The following CNTNAP2 variants were observed in gnomAD, a reference collection of about 807,000 sequenced individuals.
CNTNAP2 encodes contactin associated protein 2, also known as contactin-associated protein-like 2.
In CNTNAP2, 98 loss-of-function variants were observed where a neutral mutation model predicts 155.2. That is an observed-to-expected ratio of 0.63 (90% CI 0.54 to 0.75). The LOEUF (loss-of-function observed/expected upper bound fraction) is 0.75, where lower values mean the gene tolerates loss of function less well. CNTNAP2 is among the 30% of genes least tolerant of loss of function. The pLI, the probability that CNTNAP2 is intolerant of heterozygous loss-of-function variation, is 0.00. For synonymous variants in CNTNAP2, 651 were observed against 631.2 expected, an observed-to-expected ratio of 1.03 and a Z score of -0.47; for missense variants, 1,727 against 1,688.1, an observed-to-expected ratio of 1.02 and a Z score of -0.40.
At chr7:147,400,723 C>T (rs1190640099) in intron 10 of CNTNAP2, among the ~76,000 whole-genome samples, 1 of 152,092 alleles carries the variant, frequency 6.6e-6, no homozygotes, top group Non-Finnish European at 1.5e-5. Context: ...TTTTGTTCTC[C>T]TGATACAGTT....
chr7:147,890,278 A>G (rs1321260431), intron 13 of CNTNAP2, among the ~76,000 whole-genome samples: 2 of 152,202 alleles, frequency 1.3e-5, no homozygotes, highest in African/African-American at 4.8e-5. Context: ...TGGTATTTTG[A>G]TAGAATTTAT....
intron 1 of CNTNAP2, among the ~76,000 whole-genome samples, chr7:146,669,959 C>A (rs996779636): frequency 6.6e-6 from 1 of 152,096 alleles, no homozygotes; most frequent in East Asian, 1.9e-4. Flanking sequence ...GGAGAGCAAT[C>A]AAATTTTGTA....
intron 3 of CNTNAP2, among the ~76,000 whole-genome samples, chr7:146,975,712 C>A (rs1379586097): frequency 6.6e-6 from 1 of 152,132 alleles, no homozygotes; most frequent in Admixed American, 6.5e-5. Flanking sequence ...ATCTCCCATT[C>A]TCAAAATTAG....
chr7:148,395,119 ACC>A (rs139844217), intron 22 of CNTNAP2, among the ~76,000 whole-genome samples: 4 of 120,694 alleles, frequency 3.3e-5, no homozygotes, highest in African/African-American at 6.1e-5. Flanking sequence ...GTTTCTGTTG[ACC>A]CCCCCCCCTT....
At chr7:146,194,047 C>T (rs1186124864) in intron 1 of CNTNAP2, among the ~76,000 whole-genome samples, 2 of 152,190 alleles carry the variant, frequency 1.3e-5, no homozygotes, top group Non-Finnish European at 2.9e-5. Context: ...CTTCATTGTC[C>T]ATATCACTAT....
intron 2 of CNTNAP2, among the ~76,000 whole-genome samples, chr7:146,816,212 T>C (rs978262111): frequency 6.6e-6 from 1 of 152,130 alleles, no homozygotes; most frequent in African/African-American, 2.4e-5. Flanking sequence ...CTGGTACTCA[T>C]GGTATGTGCT....
intron 13 of CNTNAP2, among the ~76,000 whole-genome samples, chr7:147,741,494 G>A (rs1304507556): frequency 6.6e-6 from 1 of 152,184 alleles, no homozygotes; most frequent in Admixed American, 6.5e-5. Context: ...AATAAAATAT[G>A]TGAAAAATGT....
In CNTNAP2 at chr7:148,289,045, C is replaced by T. The variant is rs570859999; in HGVS notation, c.3475+21919C>T. On this transcript the variant is annotated intron_variant, in intron 21 of 23. Coordinates refer to ENST00000361727, the MANE Select transcript of CNTNAP2 (RefSeq NM_014141.6). ...GCAACTCAGGGTGGTGGGATTCCTA[C>T]CTAGCAGGCCTGTCTCCCTTTGATT... 5.9e-5 allele frequency among the ~76,000 whole-genome samples: 9 copies of T among 151,572 alleles called. 1 individual carries two copies. The highest frequency in any genetic ancestry group is 2.2e-4 in the African/African-American group (9 of 41,278).
chr7:147,168,037 T>TATGTATATATAAA (rs1802151082), intron 8 of CNTNAP2, among the ~76,000 whole-genome samples: 1 of 149,008 alleles, frequency 6.7e-6, no homozygotes, highest in Non-Finnish European at 1.5e-5. Flanking sequence ...TGTGTTTACA[T>TATGTATATATAAA]ATGTATATAT....
intron 22 of CNTNAP2, among the ~76,000 whole-genome samples, chr7:148,388,353 T>C (rs1799265547): frequency 1.4e-5 from 2 of 144,342 alleles, no homozygotes; most frequent in South Asian, 4.4e-4. Flanking sequence ...GTCCATGTGT[T>C]CTCATTGTTC....
intron 1 of CNTNAP2, among the ~76,000 whole-genome samples, chr7:146,681,204 A>G (rs1800495233): frequency 6.6e-6 from 1 of 151,292 alleles, no homozygotes; most frequent in African/African-American, 2.4e-5. Context: ...ACAGGGTGCA[A>G]CAAGTGCTAA....
At chr7:147,785,983 C>A (rs113019536) in intron 13 of CNTNAP2, among the ~76,000 whole-genome samples, 23,213 of 150,398 alleles carry the variant, frequency 0.15, 2,027 homozygotes, top group Middle Eastern at 0.35. Context: ...TAGAGTGAGA[C>A]TCTGTCTCAA....
At chr7:146,926,465 G>C (rs1189762553) in intron 3 of CNTNAP2, among the ~76,000 whole-genome samples, 1 of 152,010 alleles carries the variant, frequency 6.6e-6, no homozygotes, top group Admixed American at 6.6e-5. Flanking sequence ...TAGACTGTGA[G>C]TTTCCTAGGT....
intron 11 of CNTNAP2, among the ~76,000 whole-genome samples, chr7:147,558,157 T>C (rs903310818): frequency 1.3e-4 from 20 of 152,334 alleles, no homozygotes; most frequent in Admixed American, 5.2e-4. Context: ...CCCACAATAT[T>C]ACTGCTGAAA....
At chr7:146,306,610 G>A (rs1401019240) in intron 1 of CNTNAP2, among the ~76,000 whole-genome samples, 1 of 152,110 alleles carries the variant, frequency 6.6e-6, no homozygotes, top group East Asian at 1.9e-4. Context: ...ATCAATAAAC[G>A]TAATCCATCA....
At chr7:146,690,856 C>G (rs1008610706) in intron 1 of CNTNAP2, among the ~76,000 whole-genome samples, 2 of 152,048 alleles carry the variant, frequency 1.3e-5, no homozygotes, top group Non-Finnish European at 2.9e-5. Flanking sequence ...ATTTGTGAAG[C>G]AACTGTTTCA....
At chr7:147,195,491 T>C (rs1449403651) in intron 8 of CNTNAP2, among the ~76,000 whole-genome samples, 2 of 152,160 alleles carry the variant, frequency 1.3e-5, no homozygotes, top group Non-Finnish European at 2.9e-5. Flanking sequence ...GGGAGTATCA[T>C]TGAATCTATA....
At chr7:147,003,058 G>C (rs1798457528) in intron 3 of CNTNAP2, among the ~76,000 whole-genome samples, 1 of 151,256 alleles carries the variant, frequency 6.6e-6, no homozygotes, top group African/African-American at 2.4e-5. Flanking sequence ...ATGAGGAAGA[G>C]AAGTCCCAGA....
intron 3 of CNTNAP2, among the ~76,000 whole-genome samples, chr7:147,013,907 C>T (rs540534434): frequency 3.9e-5 from 6 of 152,096 alleles, no homozygotes; most frequent in South Asian, 2.1e-4. Context: ...TTCTCTCTTC[C>T]GACATGCTTT....
Sources: allele counts gnomAD v4.1 joint callset (sites outside exome capture counted in the v4.1 genomes callset), GRCh38; gene constraint gnomAD v4.1.1; transcripts MANE v1.5; gene names NCBI Gene and HGNC (gene_info 2026-07-23, HGNC 2026-07-21).